Variants in MED13L observed in about 807,000 individuals in gnomAD.
MED13L encodes mediator of RNA polymerase II transcription subunit 13-like.
Under a neutral mutation model 220.9 loss-of-function variants are expected in MED13L, and 7 were observed. That is an observed-to-expected ratio of 0.03 (90% CI 0.02 to 0.06). The LOEUF is 0.06. Ranked by LOEUF, MED13L falls within the 10% of genes least tolerant of loss-of-function variation. The probability of loss-of-function intolerance (pLI) is 1.00; values close to 1 mark genes in which losing one functional copy is unlikely to be tolerated. For synonymous variants in MED13L, 1,011 were observed against 1,015.2 expected (o/e 1.00, Z 0.08); for missense variants, 1,965 against 2,760.5 (o/e 0.71, Z 6.46).
intron 2 of MED13L, among the ~76,000 whole-genome samples, chr12:116,126,305 C>T (rs981618982): frequency 6.6e-6 from 1 of 152,140 alleles, no homozygotes; most frequent in African/African-American, 2.4e-5. Context: ...TATGTTCTTT[C>T]GAAATCTGGC....
At chr12:116,270,536 G>A (rs957412979) in intron 1 of MED13L, among the ~76,000 whole-genome samples, 19 of 152,062 alleles carry the variant, frequency 1.2e-4, no homozygotes, top group African/African-American at 4.3e-4. Flanking sequence ...GACAGAAAAC[G>A]CTGATGTACA....
intron 2 of MED13L, among the ~76,000 whole-genome samples, chr12:116,178,206 C>T (rs186978220): frequency 3.0e-4 from 45 of 152,268 alleles, no homozygotes; most frequent in African/African-American, 9.4e-4. Context: ...GAATTTTCAG[C>T]ATCAGTTCCA....
At chr12:116,143,062 C>T (rs1168751374) in intron 2 of MED13L, among the ~76,000 whole-genome samples, 1 of 152,078 alleles carries the variant, frequency 6.6e-6, no homozygotes, top group African/African-American at 2.4e-5. Flanking sequence ...ACTCTATAAT[C>T]GATGTTGACT....
intron 4 of MED13L, among the ~76,000 whole-genome samples, chr12:116,035,177 C>T (rs1418905526): frequency 6.6e-6 from 1 of 152,042 alleles, no homozygotes; most frequent in Non-Finnish European, 1.5e-5. Flanking sequence ...ACATAAAAAC[C>T]TTCAAAAGGA....
rs565822946 is a variant in MED13L, at chr12:115,995,118, C to T, written c.2996+1358G>A. ...CTTTCTGACACTGACTTTATATACA[C>T]AAGCAGGAAGTCTTGTTACGACATT... is the stretch of plus-strand genomic sequence containing the variant. On this transcript the variant is annotated intron_variant, in intron 16 of 30. Transcript: ENST00000281928. 9.5e-4 allele frequency among the ~76,000 whole-genome samples: 144 copies of T among 152,280 alleles called. 1 individual carries two copies. The highest frequency in any genetic ancestry group is 3.4e-3 in the African/African-American group (141 of 41,546).
intron 13 of MED13L, among the ~76,000 whole-genome samples, chr12:116,004,390 A>G (rs1355418025): frequency 6.6e-6 from 1 of 152,010 alleles, no homozygotes; most frequent in African/African-American, 2.4e-5. Context: ...CTTTTCCTTC[A>G]TGTGGCCACT....
At chr12:116,183,317 A>G (rs538247294) in intron 2 of MED13L, among the ~76,000 whole-genome samples, 15 of 152,348 alleles carry the variant, frequency 9.8e-5, no homozygotes, top group Non-Finnish European at 2.2e-4. Flanking sequence ...CAATTCGAAC[A>G]TCACCTATGA....
chr12:116,153,202 GA>G (rs527501347), intron 2 of MED13L, among the ~76,000 whole-genome samples: 100 of 152,276 alleles, frequency 6.6e-4, no homozygotes, highest in African/African-American at 2.0e-3. Context: ...CTGGAAGGTG[GA>G]ATGACCTGGT....
At chr12:116,007,827 T>C in intron 10 of MED13L, 191 bp from the exon 11 acceptor site, 3 of 595,866 alleles carry the variant, frequency 5.0e-6, no homozygotes, top group Non-Finnish European at 8.8e-6. Flanking sequence ...GTCCATCAAT[T>C]CCACTTAAGA....
At chr12:116,257,804 C>A (rs1383079356) in intron 1 of MED13L, among the ~76,000 whole-genome samples, 1 of 152,006 alleles carries the variant, frequency 6.6e-6, no homozygotes, top group African/African-American at 2.4e-5. Context: ...GGTTTTTTAA[C>A]CTTGCCCCAG....
At chr12:116,020,109 G>T in intron 5 of MED13L, 137 bp from the exon 6 acceptor site, 2 of 834,632 alleles carry the variant, frequency 2.4e-6, no homozygotes, top group East Asian at 2.7e-5. Context: ...TCTATTTAAA[G>T]TATGATTTAA....
intron 2 of MED13L, among the ~76,000 whole-genome samples, chr12:116,207,684 A>C (rs1490564113): frequency 6.6e-6 from 1 of 152,144 alleles, no homozygotes; most frequent in Non-Finnish European, 1.5e-5. Flanking sequence ...AAGAAGATAC[A>C]GACAGATATA....
chr12:116,006,503 G>C, intron 11 of MED13L, 92 bp from the exon 12 acceptor site: 2 of 1,003,024 alleles, frequency 2.0e-6, no homozygotes, highest in Non-Finnish European at 3.2e-6. Flanking sequence ...GGGTAGAATG[G>C]AACTTGTTAT....
chr12:116,182,324 CA>C (rs1880583974), intron 2 of MED13L, among the ~76,000 whole-genome samples: 1 of 152,176 alleles, frequency 6.6e-6, no homozygotes, highest in Non-Finnish European at 1.5e-5. Context: ...TTCCCTTAGC[CA>C]CTCTCCTCCA....
intron 1 of MED13L, among the ~76,000 whole-genome samples, chr12:116,238,554 T>A (rs551760906): frequency 6.6e-6 from 1 of 152,356 alleles, no homozygotes; most frequent in South Asian, 2.1e-4. Context: ...AGATTCATAA[T>A]TTAATTCTGT....
At chr12:116,115,938 T>C (rs1874478610) in intron 2 of MED13L, among the ~76,000 whole-genome samples, 1 of 152,258 alleles carries the variant, frequency 6.6e-6, no homozygotes, top group African/African-American at 2.4e-5. Flanking sequence ...ACAGCCACTT[T>C]GGAAAAGTTG....
chr12:116,225,049 C>A (rs1453832777), intron 2 of MED13L, among the ~76,000 whole-genome samples: 1 of 152,142 alleles, frequency 6.6e-6, no homozygotes, highest in Non-Finnish European at 1.5e-5. Context: ...CTCTCGTACA[C>A]CATTTGATTG....
At chr12:116,258,798 C>T (rs893211764) in intron 1 of MED13L, among the ~76,000 whole-genome samples, 7 of 146,456 alleles carry the variant, frequency 4.8e-5, no homozygotes, top group African/African-American at 1.7e-4. Context: ...AAAAAAAAGG[C>T]TTTTTAGAGA....
At chr12:116,164,618 G>T (rs1879118198) in intron 2 of MED13L, among the ~76,000 whole-genome samples, 2 of 152,106 alleles carry the variant, frequency 1.3e-5, no homozygotes, top group East Asian at 3.9e-4. Flanking sequence ...GAGGACACTA[G>T]TTTTCCACTA....
Sources: allele counts gnomAD v4.1 joint callset (sites outside exome capture counted in the v4.1 genomes callset), GRCh38; gene constraint gnomAD v4.1.1; transcripts MANE v1.5; gene names NCBI Gene and HGNC (gene_info 2026-07-23, HGNC 2026-07-21).